Variants in HS3ST4 observed in about 807,000 individuals in gnomAD.
HS3ST4 encodes heparan sulfate-glucosamine 3-sulfotransferase 4.
HS3ST4 carries 17 observed loss-of-function variants against 29.2 expected under a neutral mutation model. The ratio of observed to expected loss-of-function variants is 0.58; its 90% CI spans 0.40 to 0.87. The LOEUF (loss-of-function observed/expected upper bound fraction) is 0.87. Among genes scored for constraint, HS3ST4 ranks in the 40% least tolerant of loss-of-function variants. The pLI, the probability that HS3ST4 is intolerant of heterozygous loss-of-function variation, is 0.00. For missense variants in HS3ST4, 627 were observed against 634.5 expected (o/e 0.99, Z 0.13); for synonymous variants, 314 against 285.7 (o/e 1.10, Z -1.00).
chr16:26,100,242 A>T (rs1898975266), intron 1 of HS3ST4, among the ~76,000 whole-genome samples: 1 of 152,202 alleles, frequency 6.6e-6, no homozygotes, highest in Admixed American at 6.5e-5. Flanking sequence ...TTTGCATCAC[A>T]CAATATTCTC....
At chr16:25,879,826 G>C (rs1967875099) in intron 1 of HS3ST4, among the ~76,000 whole-genome samples, 1 of 152,132 alleles carries the variant, frequency 6.6e-6, no homozygotes, top group Non-Finnish European at 1.5e-5. Context: ...ACATGGCTGG[G>C]GAGGCCTCAC....
At position 25,966,618 on chromosome 16, in the gene HS3ST4, G is replaced by A. The variant is rs560684615; in HGVS notation, c.735-168994G>A. On this transcript the variant is annotated intron_variant, in intron 1 of 1. Transcript: ENST00000331351. ...GACTAGGGAGTAAACAGGAAGATGA[G>A]CATCTGAAAGTTGCTCATCTCAAAG... Among the ~76,000 whole-genome samples, 13 of 152,256 alleles carry A rather than the reference G, an allele frequency of 8.5e-5. No individual in the cohort carries two copies. The South Asian group carries it at 1.2e-3, about 15-fold the overall frequency.
At chr16:25,736,147 C>T (rs1002304769) in intron 1 of HS3ST4, among the ~76,000 whole-genome samples, 11 of 152,154 alleles carry the variant, frequency 7.2e-5, no homozygotes, top group African/African-American at 2.4e-4. Context: ...GGGCTTCCCA[C>T]GTTGTCTGAG....
chr16:26,111,712 A>C (rs1482758100), intron 1 of HS3ST4, among the ~76,000 whole-genome samples: 5 of 152,144 alleles, frequency 3.3e-5, no homozygotes. Context: ...TTTATAATGA[A>C]AATGTTTTTA....
chr16:25,826,061 A>G (rs1225749066), intron 1 of HS3ST4: 1 of 152,246 alleles, frequency 6.6e-6, no homozygotes, highest in East Asian at 1.9e-4. Context: ...GCTGAGTCTT[A>G]GGATCTCATC....
chr16:25,904,173 TG>T (rs1968156370), intron 1 of HS3ST4, among the ~76,000 whole-genome samples: 1 of 150,306 alleles, frequency 6.7e-6, no homozygotes, highest in African/African-American at 2.5e-5. Flanking sequence ...AATGGATGGA[TG>T]GATGGATGGA....
At chr16:25,997,886 C>A (rs1236379103) in intron 1 of HS3ST4, among the ~76,000 whole-genome samples, 1 of 152,090 alleles carries the variant, frequency 6.6e-6, no homozygotes, top group Non-Finnish European at 1.5e-5. Flanking sequence ...CAGAATCCAC[C>A]AAGTGGCTCT....
At chr16:26,019,078 T>C (rs890665764) in intron 1 of HS3ST4, among the ~76,000 whole-genome samples, 9 of 152,094 alleles carry the variant, frequency 5.9e-5, no homozygotes, top group African/African-American at 1.4e-4. Flanking sequence ...TAACAAACGA[T>C]AAAAAACATC....
chr16:25,854,351 C>A (rs1286653128), intron 1 of HS3ST4, among the ~76,000 whole-genome samples: 1 of 152,110 alleles, frequency 6.6e-6, no homozygotes, highest in Non-Finnish European at 1.5e-5. Flanking sequence ...TGTCATCGTG[C>A]CAGTGGGAGT....
chr16:25,937,556 A>G (rs1968528934), intron 1 of HS3ST4, among the ~76,000 whole-genome samples: 1 of 152,184 alleles, frequency 6.6e-6, no homozygotes, highest in Non-Finnish European at 1.5e-5. Context: ...CTGCGAGTTC[A>G]TGAAACCCCG....
chr16:26,085,237 C>G (rs1898772785), intron 1 of HS3ST4, among the ~76,000 whole-genome samples: 1 of 152,176 alleles, frequency 6.6e-6, no homozygotes, highest in South Asian at 2.1e-4. Context: ...CATGGAAACA[C>G]AACAGTAACA....
intron 1 of HS3ST4, among the ~76,000 whole-genome samples, chr16:26,014,027 T>TAAATAAATAA (rs1412506570): frequency 2.0e-5 from 3 of 151,286 alleles, no homozygotes; most frequent in Admixed American, 6.6e-5. Context: ...AATAAATAAA[T>TAAATAAATAA]AAATAAATAA....
chr16:25,755,389 A>G (rs995432189), intron 1 of HS3ST4, among the ~76,000 whole-genome samples: 4 of 152,194 alleles, frequency 2.6e-5, no homozygotes, highest in Non-Finnish European at 5.9e-5. Context: ...GAGAAGGAGT[A>G]TTTCCAGATA....
intron 1 of HS3ST4, among the ~76,000 whole-genome samples, chr16:25,817,885 T>A (rs1365265554): frequency 1.3e-5 from 2 of 152,206 alleles, no homozygotes; most frequent in Non-Finnish European, 2.9e-5. Flanking sequence ...CAATCACATA[T>A]TTGTTACATC....
intron 1 of HS3ST4, among the ~76,000 whole-genome samples, chr16:26,058,364 A>T (rs1236350378): frequency 6.6e-6 from 1 of 152,148 alleles, no homozygotes; most frequent in African/African-American, 2.4e-5. Context: ...TTTAGATTGC[A>T]TTTCTTCCTG....
intron 1 of HS3ST4, among the ~76,000 whole-genome samples, chr16:25,776,668 A>G (rs954657237): frequency 2.0e-5 from 3 of 152,216 alleles, no homozygotes; most frequent in African/African-American, 7.2e-5. Context: ...CCTACCGGAG[A>G]AAAAATGATC....
At chr16:26,093,887 A>C (rs1898889503) in intron 1 of HS3ST4, among the ~76,000 whole-genome samples, 1 of 152,224 alleles carries the variant, frequency 6.6e-6, no homozygotes, top group South Asian at 2.1e-4. Context: ...ATGAATGGCT[A>C]ACTAGAATAA....
chr16:25,987,677 A>T (rs537711780), intron 1 of HS3ST4, among the ~76,000 whole-genome samples: 1 of 152,318 alleles, frequency 6.6e-6, no homozygotes, highest in African/African-American at 2.4e-5. Flanking sequence ...TGTGGCCGCC[A>T]GTGTTCCCAT....
intron 1 of HS3ST4, among the ~76,000 whole-genome samples, chr16:26,066,906 T>C (rs974105628): frequency 6.6e-6 from 1 of 152,128 alleles, no homozygotes; most frequent in African/African-American, 2.4e-5. Flanking sequence ...TCCTGTGGGG[T>C]TGTGTAGGCA....
Sources: gnomAD v4.1 joint callset for allele counts (sites outside exome capture counted in the v4.1 genomes callset) on GRCh38, gnomAD v4.1.1 for gene constraint, MANE v1.5 for transcripts, NCBI Gene and HGNC (gene_info 2026-07-23, HGNC 2026-07-21) for gene names.